FER: variants seen among roughly 807,000 people sequenced by gnomAD.
FER encodes FER tyrosine kinase, also known as tyrosine-protein kinase Fer.
In FER, 63 loss-of-function variants were observed where a neutral mutation model predicts 111.0. The ratio of observed to expected loss-of-function variants is 0.57; its 90% CI spans 0.46 to 0.70. FER has a LOEUF of 0.70. FER is among the 30% of genes least tolerant of loss of function. The pLI, the probability that FER is intolerant of heterozygous loss-of-function variation, is 0.00. For synonymous variants in FER, 327 were observed against 313.9 expected, an observed-to-expected ratio of 1.04 and a Z score of -0.44; for missense variants, 914 against 954.0, an observed-to-expected ratio of 0.96 and a Z score of 0.55.
chr5:109,187,363 A>AATGCCCTGTGTGAAC (rs879659280), intron 19 of FER, 70 bp from the exon 20 acceptor site: 7 of 1,509,328 alleles, frequency 4.6e-6, no homozygotes, highest in Non-Finnish European at 6.3e-6. Context: ...ATAACTGCAT[A>AATGCCCTGTGTGAAC]ATGCCCTGTG....
rs113178991 is a variant in FER at position 108,876,211 on chromosome 5, G to A, written c.923+3999G>A. Among the ~76,000 whole-genome samples, 64 of 152,170 alleles carry A rather than the reference G, an allele frequency of 4.2e-4. 1 individual carries two copies. The highest frequency in any genetic ancestry group is 3.4e-3 in the Middle Eastern group (1 of 292). On this transcript the variant is annotated intron_variant, in intron 8 of 19. Coordinates refer to ENST00000281092, the MANE Select transcript of FER (RefSeq NM_005246.4). ...ATGCTGTTTGCATTTTAAATGGTTG[G>A]AAAAAAATCAAAGGAAGAATTATAT...
chr5:108,990,147 C>T (rs537164806), intron 13 of FER, among the ~76,000 whole-genome samples: 11 of 151,886 alleles, frequency 7.2e-5, no homozygotes, highest in African/African-American at 2.7e-4. Context: ...TTAATACAAG[C>T]AAAAACAAAT....
At chr5:108,802,026 A>G (rs536089615) in intron 3 of FER, among the ~76,000 whole-genome samples, 1 of 152,334 alleles carries the variant, frequency 6.6e-6, no homozygotes, top group South Asian at 2.1e-4. Flanking sequence ...CATACTACTC[A>G]GAGCGGTGTC....
At chr5:109,159,959 GAGAA>G (rs1295060633) in intron 17 of FER, among the ~76,000 whole-genome samples, 1 of 152,000 alleles carries the variant, frequency 6.6e-6, no homozygotes, top group South Asian at 2.1e-4. Context: ...AAGTGACAAA[GAGAA>G]AGACTACATT....
In FER at chr5:108,761,088, G is replaced by C. The variant is rs546683681; in HGVS notation, c.-205-7005G>C. On this transcript the variant is annotated intron_variant, in intron 1 of 19. Transcript: ENST00000281092. ...TGGGATTACAGGTGCCCGCCACCAC[G>C]CCAGCTAATTTTTGTATTTTCAGTA... 1.5e-3 allele frequency among the ~76,000 whole-genome samples: 224 copies of C among 151,790 alleles called. 2 individuals are homozygous for C. Among genetic ancestry groups the C allele is most frequent in the Non-Finnish European group, 2.3e-3 (158 of 67,900 alleles).
At chr5:108,910,735 T>G (rs1412577192) in intron 10 of FER, among the ~76,000 whole-genome samples, 1 of 152,066 alleles carries the variant, frequency 6.6e-6, no homozygotes, top group African/African-American at 2.4e-5. Flanking sequence ...ACATACGGTA[T>G]TTGATTTTCT....
intron 13 of FER, among the ~76,000 whole-genome samples, chr5:108,993,574 AGAGGGAGAGGGAGAGGGAGAGGGC>A (rs1763562589): frequency 1.5e-5 from 2 of 129,190 alleles, no homozygotes; most frequent in African/African-American, 6.1e-5. Flanking sequence ...GACCGTGGGG[AGAGGGAGAGGGAGAGGGAGAGGGC>A]GAGGGCGAGG....
chr5:108,750,268 TA>T (rs34250438), intron 1 of FER, among the ~76,000 whole-genome samples: 10,358 of 147,428 alleles, frequency 0.07, 430 homozygotes, highest in South Asian at 0.089. Context: ...GAGAATAGGA[TA>T]AAAAAAAAAA....
chr5:108,789,495 G>C (rs890259264), intron 2 of FER, among the ~76,000 whole-genome samples: 1 of 151,552 alleles, frequency 6.6e-6, no homozygotes, highest in African/African-American at 2.4e-5. Flanking sequence ...CCATTTCTAA[G>C]AAATTTTCTG....
chr5:109,009,309 T>C (rs1408760319), intron 13 of FER, among the ~76,000 whole-genome samples: 3 of 152,120 alleles, frequency 2.0e-5, no homozygotes, highest in African/African-American at 7.2e-5. Flanking sequence ...GTGGTGGGAT[T>C]ACAGGTGAGC....
chr5:109,172,323 T>C (rs1051423442), intron 17 of FER, among the ~76,000 whole-genome samples: 4 of 151,970 alleles, frequency 2.6e-5, no homozygotes, highest in African/African-American at 9.7e-5. Context: ...GATGAGTTCA[T>C]GTCCTTTTTA....
intron 17 of FER, among the ~76,000 whole-genome samples, chr5:109,123,660 A>G (rs1338386033): frequency 1.3e-5 from 2 of 152,246 alleles, no homozygotes; most frequent in African/African-American, 4.8e-5. Context: ...ACAAGCAAAG[A>G]GAAAACTAAT....
Position 109,050,076 on chromosome 5 carries a change from T to C in FER, c.1924+2878T>C, listed in dbSNP as rs1479230278. Reference sequence around the variant, plus strand: ...TCCACTCCACTCTAAGCATTTTTTCTAAGTCTCTCACATTAATGACTAAAG... The same window carrying C: ...TCCACTCCACTCTAAGCATTTTTTCCAAGTCTCTCACATTAATGACTAAAG... On this transcript the variant is annotated intron_variant, in intron 16 of 19. Transcript: ENST00000281092. 2.0e-5 allele frequency among the ~76,000 whole-genome samples: 3 copies of C among 152,246 alleles called. No individual in the cohort carries two copies. In the East Asian group the frequency reaches 5.8e-4, roughly 29 times the overall value.
intron 2 of FER, chr5:108,784,997 G>T (rs950608871): frequency 1.9e-5 from 5 of 269,994 alleles, no homozygotes; most frequent in Non-Finnish European, 2.9e-5. Context: ...TTGGGGGCCT[G>T]TTCCCAACAC....
chr5:108,773,790 G>A (rs1198783453), intron 2 of FER, among the ~76,000 whole-genome samples: 3 of 152,074 alleles, frequency 2.0e-5, no homozygotes, highest in Non-Finnish European at 2.9e-5. Context: ...CACAATGGTT[G>A]AACTAATTTA....
At chr5:108,838,599 C>T (rs114573779) in intron 5 of FER, among the ~76,000 whole-genome samples, 1,671 of 152,210 alleles carry the variant, frequency 0.011, 26 homozygotes, top group African/African-American at 0.038. Context: ...CTACAAACCC[C>T]TGACCCCTGC....
intron 13 of FER, among the ~76,000 whole-genome samples, chr5:108,967,572 G>T (rs1760033643): frequency 6.6e-6 from 1 of 151,934 alleles, no homozygotes; most frequent in Non-Finnish European, 1.5e-5. Context: ...GACCAGCTTG[G>T]CCAATATGGT....
chr5:109,184,275 T>C (rs1469663974), intron 18 of FER, among the ~76,000 whole-genome samples: 1 of 152,188 alleles, frequency 6.6e-6, no homozygotes, highest in Non-Finnish European at 1.5e-5. Flanking sequence ...GAATTTTTAG[T>C]GAGCAGGTTT....
At chr5:108,980,751 C>T (rs1561712933) in intron 13 of FER, among the ~76,000 whole-genome samples, 2 of 152,126 alleles carry the variant, frequency 1.3e-5, no homozygotes, top group South Asian at 2.1e-4. Flanking sequence ...ATTATTGTCA[C>T]CTGATTGTCA....
Sources: allele counts gnomAD v4.1 joint callset (sites outside exome capture counted in the v4.1 genomes callset), GRCh38; gene constraint gnomAD v4.1.1; transcripts MANE v1.5; gene names NCBI Gene and HGNC (gene_info 2026-07-23, HGNC 2026-07-21).